PCSK6: variants seen among roughly 807,000 people sequenced by gnomAD.
PCSK6 encodes the protein proprotein convertase subtilisin/kexin type 6, also known as paired basic amino acid cleaving enzyme 4.
A neutral mutation model predicts 123.3 loss-of-function variants in PCSK6; 85 were observed. The observed-to-expected ratio is 0.69, with a 90% CI of 0.58 to 0.83. The LOEUF is 0.83. Among genes scored for constraint, PCSK6 ranks in the 40% least tolerant of loss-of-function variants. The pLI is 0.00. For missense variants in PCSK6, 1,191 were observed against 1,282.3 expected (o/e 0.93, Z 1.09); for synonymous variants, 508 against 516.0 (o/e 0.98, Z 0.21).
chr15:101,341,958 T>C (rs1299139664), intron 13 of PCSK6, among the ~76,000 whole-genome samples: 1 of 151,882 alleles, frequency 6.6e-6, no homozygotes, highest in Non-Finnish European at 1.5e-5. Context: ...GGCGAAAACC[T>C]GTCTCTACTG....
intron 1 of PCSK6, among the ~76,000 whole-genome samples, chr15:101,487,641 T>C (rs139525485): frequency 1.4e-4 from 21 of 152,298 alleles, no homozygotes; most frequent in African/African-American, 4.8e-4. Context: ...CCCAGGCACT[T>C]TGTAATTTAT....
At chr15:101,437,051 C>T (rs1044262466) in intron 2 of PCSK6, among the ~76,000 whole-genome samples, 1 of 152,160 alleles carries the variant, frequency 6.6e-6, no homozygotes, top group African/African-American at 2.4e-5. Context: ...AAAATGGTGC[C>T]GGCATGAGCA....
intron 13 of PCSK6, among the ~76,000 whole-genome samples, chr15:101,348,384 C>T (rs868522620): frequency 2.6e-5 from 4 of 152,204 alleles, no homozygotes; most frequent in Non-Finnish European, 5.9e-5. Flanking sequence ...CGGAGTAAAA[C>T]GTCATCAAAA....
chr15:101,446,975 C>T lies in PCSK6; in HGVS notation c.298-3315G>A, dbSNP rs1033207746. ...GGTCAGGAGTGTGAGGTTTTCATCA[C>T]GGGCAAAACCAGTGAGAGAATCAAA... On this transcript the variant is annotated intron_variant, in intron 1 of 21. Coordinates refer to ENST00000611716, the MANE Select transcript of PCSK6 (RefSeq NM_002570.5). Among the ~76,000 whole-genome samples, 6 of 152,164 alleles carry T rather than the reference C, an allele frequency of 3.9e-5. No homozygotes were observed. The East Asian group carries it at 5.8e-4, about 15-fold the overall frequency.
chr15:101,306,052 G>T (rs1196906406), intron 21 of PCSK6, among the ~76,000 whole-genome samples: 3 of 151,916 alleles, frequency 2.0e-5, no homozygotes, highest in African/African-American at 7.3e-5. Flanking sequence ...GAGGAAGACT[G>T]TAGGGGAGGC....
chr15:101,477,267 CTGTGTGTG>C (rs373784567), intron 1 of PCSK6, among the ~76,000 whole-genome samples: 1 of 151,384 alleles, frequency 6.6e-6, no homozygotes, highest in Non-Finnish European at 1.5e-5. Flanking sequence ...GTCTGTGTGT[CTGTGTGTG>C]TGTGCATGCA....
chr15:101,483,542 G>A (rs2057943615), intron 1 of PCSK6, among the ~76,000 whole-genome samples: 1 of 152,178 alleles, frequency 6.6e-6, no homozygotes, highest in African/African-American at 2.4e-5. Flanking sequence ...CCAAGGGAAA[G>A]CATGGCATCC....
intron 6 of PCSK6, among the ~76,000 whole-genome samples, chr15:101,423,644 C>A (rs910110693): frequency 6.6e-6 from 1 of 151,676 alleles, no homozygotes; most frequent in African/African-American, 2.4e-5. Flanking sequence ...TCATTCCATT[C>A]GAAGCAGAGA....
intron 1 of PCSK6, among the ~76,000 whole-genome samples, chr15:101,482,547 G>T (rs2057915190): frequency 6.6e-6 from 1 of 152,008 alleles, no homozygotes; most frequent in South Asian, 2.1e-4. Context: ...ATCCAAAAAA[G>T]CTCAGGACGT....
chr15:101,404,574 G>A (rs981854035), intron 6 of PCSK6, among the ~76,000 whole-genome samples: 2 of 152,182 alleles, frequency 1.3e-5, no homozygotes, highest in Non-Finnish European at 2.9e-5. Context: ...CTCACGGTAG[G>A]GGAAGAGAGT....
intron 1 of PCSK6, among the ~76,000 whole-genome samples, chr15:101,476,310 G>T (rs186632590): frequency 6.6e-6 from 1 of 152,126 alleles, no homozygotes; most frequent in African/African-American, 2.4e-5. Context: ...CACAAGTGCA[G>T]AGTCATGAAT....
At chr15:101,313,012 AT>A (rs948200306) in intron 20 of PCSK6, 319 of 1,160,492 alleles carry the variant, frequency 2.7e-4, no homozygotes, top group East Asian at 8.5e-4. Flanking sequence ...CTCCAAAAAA[AT>A]TTTTTTTTAA....
rs79647019 is a variant in PCSK6, at chr15:101,396,535, C to T, written c.996+1869G>A. 7.9e-3 allele frequency among the ~76,000 whole-genome samples: 1,201 copies of T among 152,228 alleles called. 18 individuals are homozygous for T. The highest frequency in any genetic ancestry group is 0.026 in the African/African-American group (1,089 of 41,524). ...CACCCTCTCCGAAGCTTAAATTCAGCTTAATTTTTAGGATGTCTCGCTTGT... is the reference window on the plus strand; with the variant it reads ...CACCCTCTCCGAAGCTTAAATTCAGTTTAATTTTTAGGATGTCTCGCTTGT... On this transcript the variant is annotated intron_variant, in intron 7 of 21. Coordinates refer to ENST00000611716, the MANE Select transcript of PCSK6 (RefSeq NM_002570.5).
chr15:101,309,874 C>T (rs1002998602), intron 20 of PCSK6, among the ~76,000 whole-genome samples: 5 of 151,788 alleles, frequency 3.3e-5, no homozygotes, highest in Non-Finnish European at 5.9e-5. Context: ...TTGTTCTCAG[C>T]GTCGGGCCTC....
chr15:101,318,373 C>T lies in PCSK6; in HGVS notation c.2515G>A (p.Asp839Asn). The change falls in exon 19 of 22, where the codon GAC becomes AAC. Residue 839 changes from aspartate to asparagine, a missense_variant. Transcript: ENST00000611716. ...IPDCEPGTYF[D>N]SELIRCGECH... Reference sequence around the variant, plus strand: ...TCCCCACATCTGATCAGCTCTGAGTCAAAGTAGGTGCCTGGCTCACAGTCA... The same window carrying T: ...TCCCCACATCTGATCAGCTCTGAGTTAAAGTAGGTGCCTGGCTCACAGTCA... The T allele has an allele frequency of 6.4e-7, 1 of 1,566,236 alleles. No homozygotes were observed. Among genetic ancestry groups the T allele is most frequent in the Non-Finnish European group, 8.7e-7 (1 of 1,155,470 alleles).
Position 101,382,263 on chromosome 15 carries a change from G to C in PCSK6, c.1415-54C>G, listed in dbSNP as rs2041930264. 2.9e-6 allele frequency: 4 copies of C among 1,365,298 alleles called. No individual in the cohort carries two copies. In the Admixed American group the frequency reaches 7.7e-5, roughly 26 times the overall value. The allele number at this position is 1,365,298 out of a possible 1,614,324, so 84.6% of individuals were successfully genotyped here. A position where few individuals can be genotyped will look rare whatever the true frequency, so the allele number is the denominator to read the frequency against. On this transcript the variant is annotated intron_variant, in intron 10 of 21. Transcript: ENST00000611716. ...CTCTCCTGCCTCTCCCAGGAAGGGA[G>C]CAAGGCTGGCTCTTGCATCTGCCGG...
chr15:101,446,181 A>G (rs2056885137), intron 1 of PCSK6, among the ~76,000 whole-genome samples: 1 of 152,236 alleles, frequency 6.6e-6, no homozygotes, highest in Non-Finnish European at 1.5e-5. Context: ...CTCCCACTGC[A>G]GGGGAGAAGG....
chr15:101,433,677 C>T (rs540447802), intron 2 of PCSK6, among the ~76,000 whole-genome samples: 1 of 152,370 alleles, frequency 6.6e-6, no homozygotes, highest in Admixed American at 6.5e-5. Flanking sequence ...GTGCTGGAAG[C>T]TAGAACAGAG....
At chr15:101,470,018 A>C (rs1342426392) in intron 1 of PCSK6, among the ~76,000 whole-genome samples, 1 of 152,196 alleles carries the variant, frequency 6.6e-6, no homozygotes, top group East Asian at 1.9e-4. Context: ...CGGGACTGGC[A>C]TTATTGCAAA....
Sources: allele counts gnomAD v4.1 joint callset (sites outside exome capture counted in the v4.1 genomes callset), GRCh38; gene constraint gnomAD v4.1.1; transcripts MANE v1.5; gene names NCBI Gene and HGNC (gene_info 2026-07-23, HGNC 2026-07-21).